SPOCK1: variants seen among roughly 807,000 people sequenced by gnomAD.
The protein encoded by SPOCK1 is testican-1.
A neutral mutation model predicts 55.3 loss-of-function variants in SPOCK1; 23 were observed. That is an observed-to-expected ratio of 0.42 (90% CI 0.30 to 0.59). SPOCK1 has a LOEUF of 0.59. Among genes scored for constraint, SPOCK1 ranks in the 20% least tolerant of loss-of-function variants. The probability of loss-of-function intolerance (pLI) is 0.22; values close to 1 mark genes in which losing one functional copy is unlikely to be tolerated. For missense variants in SPOCK1, 499 were observed against 552.5 expected, an observed-to-expected ratio of 0.90 and a Z score of 0.97; for synonymous variants, 226 against 221.0, an observed-to-expected ratio of 1.02 and a Z score of -0.20.
chr5:137,044,006 T>C (rs1022425962), intron 6 of SPOCK1, among the ~76,000 whole-genome samples: 3 of 152,168 alleles, frequency 2.0e-5, no homozygotes, highest in African/African-American at 7.2e-5. Flanking sequence ...CTCTACTATC[T>C]TTGCAATATT....
At chr5:136,997,167 G>A (rs79253373) in intron 6 of SPOCK1, among the ~76,000 whole-genome samples, 30 of 152,186 alleles carry the variant, frequency 2.0e-4, no homozygotes, top group South Asian at 4.2e-4. Context: ...TGTGAGCCAC[G>A]TCTCTGGGAT....
At chr5:137,294,308 A>C (rs1757435136) in intron 2 of SPOCK1, among the ~76,000 whole-genome samples, 1 of 152,218 alleles carries the variant, frequency 6.6e-6, no homozygotes, top group Admixed American at 6.5e-5. Context: ...TAATAGATAC[A>C]GGCAAAATGG....
At chr5:137,386,168 T>C (rs1226042512) in intron 2 of SPOCK1, among the ~76,000 whole-genome samples, 2 of 152,164 alleles carry the variant, frequency 1.3e-5, no homozygotes, top group African/African-American at 4.8e-5. Flanking sequence ...AGTATAAATC[T>C]TAAAAAAGTA....
chr5:137,475,073 T>C (rs1023214766), intron 2 of SPOCK1, among the ~76,000 whole-genome samples: 2 of 152,166 alleles, frequency 1.3e-5, no homozygotes, highest in African/African-American at 4.8e-5. Context: ...CTTAACCAAG[T>C]GATCAAACTA....
intron 3 of SPOCK1, among the ~76,000 whole-genome samples, chr5:137,211,494 G>C (rs1340347792): frequency 6.6e-6 from 1 of 152,176 alleles, no homozygotes; most frequent in Non-Finnish European, 1.5e-5. Flanking sequence ...AGAATGTTTT[G>C]TTCTACTATT....
chr5:137,245,955 G>A (rs1248993927), intron 3 of SPOCK1, among the ~76,000 whole-genome samples: 1 of 152,172 alleles, frequency 6.6e-6, no homozygotes, highest in African/African-American at 2.4e-5. Flanking sequence ...CAGCTTCTCT[G>A]ACCAACATGC....
intron 2 of SPOCK1, among the ~76,000 whole-genome samples, chr5:137,490,682 G>A (rs1047708740): frequency 6.6e-6 from 1 of 152,176 alleles, no homozygotes; most frequent in African/African-American, 2.4e-5. Flanking sequence ...AGCAACCTTC[G>A]CATAACTTGG....
chr5:137,356,674 C>T (rs1750807746), intron 2 of SPOCK1, among the ~76,000 whole-genome samples: 1 of 150,054 alleles, frequency 6.7e-6, no homozygotes, highest in Non-Finnish European at 1.5e-5. Flanking sequence ...GCCTGTAATC[C>T]CAGCTACTTA....
intron 2 of SPOCK1, among the ~76,000 whole-genome samples, chr5:137,373,206 T>C (rs1223028933): frequency 6.6e-6 from 1 of 152,178 alleles, no homozygotes; most frequent in East Asian, 1.9e-4. Context: ...GCACAAAACA[T>C]ACTAAGACAG....
At chr5:137,484,907 GT>G (rs1223315715) in intron 2 of SPOCK1, among the ~76,000 whole-genome samples, 1 of 152,008 alleles carries the variant, frequency 6.6e-6, no homozygotes, top group East Asian at 1.9e-4. Flanking sequence ...TTTATGTTGT[GT>G]TGTTACATGA....
rs187286418 is a variant in SPOCK1 at position 137,119,231 on chromosome 5, T to C, written c.348-6670A>G. ...TACATGCATTTTACTTTCATGTTAC[T>C]ATCAAATCGCCTATTCAAAAATAAT... On this transcript the variant is annotated intron_variant, in intron 4 of 10. Coordinates refer to ENST00000394945, the MANE Select transcript of SPOCK1 (RefSeq NM_004598.4). Among the ~76,000 whole-genome samples, 4 of 152,364 alleles carry C rather than the reference T, an allele frequency of 2.6e-5. No individual in the cohort carries two copies. In the East Asian group the frequency reaches 5.8e-4, roughly 22 times the overall value.
intron 3 of SPOCK1, among the ~76,000 whole-genome samples, chr5:137,233,855 A>G (rs1756122925): frequency 1.3e-5 from 2 of 151,648 alleles, no homozygotes; most frequent in African/African-American, 4.8e-5. Context: ...ATCTGCCAAT[A>G]GGCACAGCTT....
intron 3 of SPOCK1, among the ~76,000 whole-genome samples, chr5:137,143,645 CAT>C (rs1307543205): frequency 6.6e-6 from 1 of 152,196 alleles, no homozygotes; most frequent in Non-Finnish European, 1.5e-5. Flanking sequence ...CTAAGCACCT[CAT>C]ATGTGTTTAT....
At chr5:137,349,790 C>G (rs1750636360) in intron 2 of SPOCK1, among the ~76,000 whole-genome samples, 1 of 152,180 alleles carries the variant, frequency 6.6e-6, no homozygotes. Flanking sequence ...ATGTCTGTCT[C>G]TGTGTCCAAA....
chr5:137,367,121 G>A (rs956404786), intron 2 of SPOCK1, among the ~76,000 whole-genome samples: 2 of 152,292 alleles, frequency 1.3e-5, no homozygotes, highest in African/African-American at 4.8e-5. Context: ...GATAAGCCCT[G>A]GATTCAGGGA....
At chr5:137,324,545 T>A (rs1157167136) in intron 2 of SPOCK1, among the ~76,000 whole-genome samples, 1 of 152,222 alleles carries the variant, frequency 6.6e-6, no homozygotes, top group Non-Finnish European at 1.5e-5. Context: ...TGCATCATTC[T>A]ACTTACATGG....
chr5:137,471,338 T>C (rs1561544452), intron 2 of SPOCK1, among the ~76,000 whole-genome samples: 6 of 152,214 alleles, frequency 3.9e-5, no homozygotes, highest in Admixed American at 3.3e-4. Context: ...TTTTTGTTTG[T>C]TTGTTTGTTT....
At chr5:137,160,585 TAATATATAA>T (rs1561631701) in intron 3 of SPOCK1, among the ~76,000 whole-genome samples, 3 of 65,648 alleles carry the variant, frequency 4.6e-5, no homozygotes, top group Admixed American at 5.3e-4. Context: ...ATAATATATA[TAATATATAA>T]TATATTATAT....
intron 3 of SPOCK1, among the ~76,000 whole-genome samples, chr5:137,227,702 G>C (rs1430693322): frequency 1.3e-5 from 2 of 152,226 alleles, no homozygotes; most frequent in African/African-American, 2.4e-5. Context: ...CACAGCTTCA[G>C]ATCAGACCCT....
Sources: allele counts gnomAD v4.1 joint callset (sites outside exome capture counted in the v4.1 genomes callset), GRCh38; gene constraint gnomAD v4.1.1; transcripts MANE v1.5; gene names NCBI Gene and HGNC (gene_info 2026-07-23, HGNC 2026-07-21).